CSMD1: variants seen among roughly 807,000 people sequenced by gnomAD.
CSMD1 encodes CUB and sushi domain-containing protein 1.
CSMD1 carries 213 observed loss-of-function variants against 417.5 expected under a neutral mutation model. The ratio of observed to expected loss-of-function variants is 0.51; its 90% CI spans 0.46 to 0.57. The LOEUF is 0.57. Among genes scored for constraint, CSMD1 ranks in the 20% least tolerant of loss-of-function variants. CSMD1 has a pLI of 0.00. For missense variants in CSMD1, 6,923 were observed against 4,529.7 expected (o/e 1.53, Z -15.17); for synonymous variants, 2,862 against 1,736.8 (o/e 1.65, Z -16.11).
At chr8:3,563,513 G>T (rs527713446) in intron 10 of CSMD1, among the ~76,000 whole-genome samples, 1 of 146,764 alleles carries the variant, frequency 6.8e-6, no homozygotes, top group Non-Finnish European at 1.5e-5. Context: ...AAGAAAATAG[G>T]TATTTACACC....
At chr8:3,084,655 G>C (rs1262803729) in intron 49 of CSMD1, among the ~76,000 whole-genome samples, 4 of 151,600 alleles carry the variant, frequency 2.6e-5, no homozygotes, top group Non-Finnish European at 5.9e-5. Context: ...ATTTAATATA[G>C]CTAAATCACC....
At chr8:4,105,366 G>A (rs1258799510) in intron 3 of CSMD1, among the ~76,000 whole-genome samples, 1 of 151,778 alleles carries the variant, frequency 6.6e-6, no homozygotes, top group South Asian at 2.1e-4. Context: ...ATGTGCTTTA[G>A]ACATGTAACT....
At chr8:3,764,078 A>G (rs1014379235) in intron 5 of CSMD1, among the ~76,000 whole-genome samples, 4 of 152,260 alleles carry the variant, frequency 2.6e-5, no homozygotes, top group African/African-American at 4.8e-5. Context: ...TCTCAGATGT[A>G]TATTTCTGGT....
chr8:4,699,841 G>A (rs1052991746), intron 1 of CSMD1, among the ~76,000 whole-genome samples: 11 of 152,190 alleles, frequency 7.2e-5, no homozygotes, highest in African/African-American at 2.4e-4. Flanking sequence ...GAGTACAAGT[G>A]AGATTGACAA....
chr8:3,304,577 G>A (rs1804668244), intron 25 of CSMD1, among the ~76,000 whole-genome samples: 1 of 151,982 alleles, frequency 6.6e-6, no homozygotes. Context: ...CTGCTTATTG[G>A]GAAGAAGTTT....
At chr8:3,211,453 G>C (rs1310151362) in intron 30 of CSMD1, among the ~76,000 whole-genome samples, 1 of 152,188 alleles carries the variant, frequency 6.6e-6, no homozygotes, top group Admixed American at 6.5e-5. Flanking sequence ...GAGGTTGCAT[G>C]CTCAATAGTT....
chr8:4,614,678 C>G (rs2617108), intron 2 of CSMD1, among the ~76,000 whole-genome samples: 34,694 of 152,026 alleles, frequency 0.23, 4,144 homozygotes, highest in Non-Finnish European at 0.25. Flanking sequence ...CGCACACACA[C>G]TGGATGCACG....
chr8:3,340,954 T>C, intron 23 of CSMD1, among the ~76,000 whole-genome samples: 1 of 152,204 alleles, frequency 6.6e-6, no homozygotes, highest in East Asian at 1.9e-4. Context: ...TCTCCAATAT[T>C]TCTTTCTCCT....
At chr8:3,273,179 A>T (rs186363197) in intron 26 of CSMD1, among the ~76,000 whole-genome samples, 5 of 150,790 alleles carry the variant, frequency 3.3e-5, no homozygotes, top group African/African-American at 1.2e-4. Context: ...TTCTGCGTCT[A>T]TTGAGATAAT....
intron 1 of CSMD1, among the ~76,000 whole-genome samples, chr8:4,760,873 T>G (rs1386676166): frequency 3.3e-5 from 5 of 152,184 alleles, no homozygotes; most frequent in African/African-American, 1.2e-4. Flanking sequence ...ACAACTCATG[T>G]CATGACCTTT....
chr8:3,902,630 A>G (rs141112492), intron 5 of CSMD1, among the ~76,000 whole-genome samples: 145 of 152,190 alleles, frequency 9.5e-4, no homozygotes, highest in African/African-American at 3.3e-3. Context: ...GAGAGGAGGC[A>G]GAGCTCAGGG....
chr8:4,185,480 G>T (rs1182131791), intron 3 of CSMD1, among the ~76,000 whole-genome samples: 1 of 152,180 alleles, frequency 6.6e-6, no homozygotes, highest in Non-Finnish European at 1.5e-5. Flanking sequence ...ACTCAATACA[G>T]ATCCATTCAG....
intron 21 of CSMD1, among the ~76,000 whole-genome samples, chr8:3,357,152 C>T (rs2117696695): frequency 6.6e-6 from 1 of 152,230 alleles, no homozygotes; most frequent in Admixed American, 6.5e-5. Flanking sequence ...GAAATGAAGA[C>T]AGCACCCGAA....
At chr8:3,398,596 A>G (rs1811842565) in intron 16 of CSMD1, among the ~76,000 whole-genome samples, 2 of 152,210 alleles carry the variant, frequency 1.3e-5, no homozygotes, top group Non-Finnish European at 2.9e-5. Flanking sequence ...GAAATCCAGA[A>G]TGTAGTCTAG....
At chr8:3,594,703 C>G (rs775846593) in intron 8 of CSMD1, among the ~76,000 whole-genome samples, 2 of 152,144 alleles carry the variant, frequency 1.3e-5, no homozygotes, top group African/African-American at 4.8e-5. Flanking sequence ...CTTTATTGCT[C>G]CATCTCAGGT....
At chr8:3,047,141 G>A (rs1017152620) in intron 50 of CSMD1, among the ~76,000 whole-genome samples, 1 of 150,108 alleles carries the variant, frequency 6.7e-6, no homozygotes, top group African/African-American at 2.5e-5. Flanking sequence ...CCAGGAGGGG[G>A]AGGTTGCAGT....
At chr8:3,509,384 A>G (rs12114474) in intron 10 of CSMD1, among the ~76,000 whole-genome samples, 29,875 of 152,122 alleles carry the variant, frequency 0.2, 3,155 homozygotes, top group East Asian at 0.27. Context: ...AAAATAATCC[A>G]TTGCTATTAA....
intron 1 of CSMD1, among the ~76,000 whole-genome samples, chr8:4,683,020 T>C (rs1326935465): frequency 6.8e-6 from 1 of 146,376 alleles, no homozygotes; most frequent in Non-Finnish European, 1.5e-5. Flanking sequence ...ATCCAAATTA[T>C]CTCACTTCTT....
At chr8:4,218,583 A>ATTAATT (rs1800831275) in intron 3 of CSMD1, among the ~76,000 whole-genome samples, 1 of 152,186 alleles carries the variant, frequency 6.6e-6, no homozygotes, top group Admixed American at 6.5e-5. Context: ...TGTAATAATG[A>ATTAATT]TTAATTTTAC....
Sources: gnomAD v4.1 joint callset for allele counts (sites outside exome capture counted in the v4.1 genomes callset) on GRCh38, gnomAD v4.1.1 for gene constraint, MANE v1.5 for transcripts, NCBI Gene and HGNC (gene_info 2026-07-23, HGNC 2026-07-21) for gene names.